The following FZD10 variants were observed in gnomAD, a reference collection of about 807,000 sequenced individuals.
FZD10 encodes frizzled-10.
In FZD10, 14 loss-of-function variants were observed where a neutral mutation model predicts 24.4. That is an observed-to-expected ratio of 0.57 (90% confidence interval 0.38 to 0.90). The LOEUF (loss-of-function observed/expected upper bound fraction) is 0.90. Ranked by LOEUF, FZD10 falls within the 40% of genes least tolerant of loss-of-function variation. The pLI is 0.00. For synonymous variants in FZD10, 381 were observed against 349.1 expected (o/e 1.09, Z -1.02); for missense variants, 775 against 816.6 (o/e 0.95, Z 0.62).
Position 130,165,059 on chromosome 12 carries a change from T to C in FZD10, c.*371T>C, listed in dbSNP as rs572971985. 3.9e-5 allele frequency: 7 copies of C among 181,142 alleles called. No homozygotes were observed. The East Asian group carries it at 7.0e-4, about 18-fold the overall frequency. The allele number at this position is 181,142 out of a possible 1,614,324, so 11.2% of individuals were successfully genotyped here. Reference sequence around the variant, plus strand: ...ACCCATTTACAAATAAGAGGACAGATAACTGCTTTGCAAATTCAAGAGCCT... The same window carrying C: ...ACCCATTTACAAATAAGAGGACAGACAACTGCTTTGCAAATTCAAGAGCCT... On this transcript the variant is annotated 3_prime_UTR_variant, in exon 1 of 1. Coordinates refer to ENST00000229030, the MANE Select transcript of FZD10 (RefSeq NM_007197.4).
Position 130,163,216 on chromosome 12 carries a change from G to T in FZD10, c.274G>T (p.Ala92Ser), listed in dbSNP as rs199663032. The T allele has an allele frequency of 2.9e-5, 47 of 1,612,988 alleles. No homozygotes were observed. The East Asian group carries it at 1.0e-3, about 35-fold the overall frequency. ...CCGCTTCTTCCTGTGCTCGCTGTAC[G>T]CGCCGATGTGCACCGAGCAGGTCTC... ...HLRFFLCSLY[A>S]PMCTEQVSTP... Residue 92 changes from alanine to serine, a missense_variant, in exon 1 of 1, where the codon GCG becomes TCG. Ala to Ser is a moderately conservative substitution (Grantham distance 99). Transcript: ENST00000229030.
At position 130,164,585 on chromosome 12, in the gene FZD10, C is replaced by A. The variant is rs78312482; in HGVS notation, c.1643C>A (p.Ala548Asp). The A allele has an allele frequency of 6.2e-7, 1 of 1,612,878 alleles. No homozygotes were observed. The highest frequency in any genetic ancestry group is 8.5e-7 in the Non-Finnish European group (1 of 1,179,972). ...AAGAAGAAGAGCCGGAGAAAACCGG[C>A]CAGCGTGATCACCAGCGGTGGGATT... ...RLKKKSRRKP[A>D]SVITSGGIYK... The change falls in exon 1 of 1, where the codon GCC becomes GAC. Residue 548 changes from alanine (A) to aspartate (D), a missense_variant. Coordinates refer to ENST00000229030, the MANE Select transcript of FZD10 (RefSeq NM_007197.4). This position sits in a 1 kb window ranked among gnomAD's most constrained non-coding sequence, Gnocchi z 5.3.
rs1470365379 is a variant in FZD10, at chr12:130,163,549, A to G, written c.607A>G (p.Lys203Glu). Residue 203 changes from lysine (K) to glutamate (E), a missense_variant, in exon 1 of 1, where the codon AAG becomes GAG. Physicochemically the swap from Lys to Glu is moderately conservative, Grantham distance 56. Coordinates refer to ENST00000229030, the MANE Select transcript of FZD10 (RefSeq NM_007197.4). ...DNPGKFHHVE[K>E]SASCAPLCTP... The stretch of plus-strand genomic sequence containing the variant: ...CCCGGGCAAGTTCCACCACGTGGAG[A>G]AGAGCGCGTCGTGCGCGCCGCTCTG... 6.3e-7 allele frequency: 1 copy of G among 1,598,682 alleles called. No homozygotes were observed. The highest frequency in any genetic ancestry group is 8.5e-7 in the Non-Finnish European group (1 of 1,171,982).
In FZD10 at chr12:130,162,964, C is replaced by T. The variant is rs778810681; in HGVS notation, c.22C>T (p.Leu8=). The T allele has an allele frequency of 7.8e-6, 12 of 1,547,304 alleles. No individual in the cohort carries two copies. Among genetic ancestry groups the T allele is most frequent in the Non-Finnish European group, 9.6e-6 (11 of 1,143,806 alleles). Residue 8 remains leucine (L), a synonymous_variant, in exon 1 of 1, where the codon CTG becomes TTG. Transcript: ENST00000229030. MQRPGPR[L]WLVLQVMGSC... The stretch of plus-strand genomic sequence containing the variant: ...CAGCATGCAGCGCCCGGGCCCCCGC[C>T]TGTGGCTGGTCCTGCAGGTGATGGG...
At position 130,162,990 on chromosome 12, in the gene FZD10, C is replaced by G; in HGVS notation, c.48C>G (p.Gly16=). ...PRLWLVLQVM[G]SCAAISSMDM... is the part of the protein sequence containing the mutation. ...TGTGGCTGGTCCTGCAGGTGATGGG[C>G]TCGTGCGCCGCCATCAGCTCCATGG... The change falls in exon 1 of 1, where the codon GGC becomes GGG. Residue 16 remains glycine (G), a synonymous_variant. Transcript: ENST00000229030. 3 of 1,572,516 alleles carry G rather than the reference C, an allele frequency of 1.9e-6. No homozygotes were observed. The highest frequency in any genetic ancestry group is 2.6e-6 in the Non-Finnish European group (3 of 1,160,340).
At position 130,164,752 on chromosome 12, in the gene FZD10, G is replaced by T; in HGVS notation, c.*64G>T. 6 of 1,116,840 alleles carry T rather than the reference G, an allele frequency of 5.4e-6. No homozygotes were observed. Among genetic ancestry groups the T allele is most frequent in the Non-Finnish European group, 7.4e-6 (6 of 805,780 alleles). 69.2% of individuals were successfully genotyped at this position (1,116,840 alleles called of 1,614,324 possible). On this transcript the variant is annotated 3_prime_UTR_variant, in exon 1 of 1. Transcript: ENST00000229030. This position sits in a 1 kb window ranked among gnomAD's most constrained non-coding sequence, Gnocchi z 5.3. Reference sequence around the variant, plus strand: ...AAGATGTGGTGCTTTTCTTGGTTGTGTTTTTCTTTCTTCTTCTTCTTTTTT... The same window carrying T: ...AAGATGTGGTGCTTTTCTTGGTTGTTTTTTTCTTTCTTCTTCTTCTTTTTT...
chr12:130,164,584 G>A lies in FZD10; in HGVS notation c.1642G>A (p.Ala548Thr), dbSNP rs1039873680. 16 of 1,612,916 alleles carry A rather than the reference G, an allele frequency of 9.9e-6. No individual in the cohort carries two copies. Among genetic ancestry groups the A allele is most frequent in the Non-Finnish European group, 1.4e-5 (16 of 1,179,978 alleles). Reference protein sequence around the residue: ...RLKKKSRRKPASVITSGGIYK... With the variant: ...RLKKKSRRKPTSVITSGGIYK... ...AAAGAAGAAGAGCCGGAGAAAACCG[G>A]CCAGCGTGATCACCAGCGGTGGGAT... The change falls in exon 1 of 1, where the codon GCC (alanine) becomes ACC (threonine). Residue 548 changes from alanine to threonine, a missense_variant. Physicochemically the swap from Ala to Thr is moderately conservative, Grantham distance 58. Transcript: ENST00000229030. The surrounding 1 kb of genome is among the most constrained non-coding windows in gnomAD (Gnocchi z 5.3).
chr12:130,163,025 G>T lies in FZD10; in HGVS notation c.83G>T (p.Arg28Leu). Residue 28 changes from arginine (R) to leucine (L), a missense_variant, in exon 1 of 1, where the codon CGC becomes CTC. Arg to Leu is a moderately radical substitution (Grantham distance 102). Transcript: ENST00000229030. ...CAAISSMDME[R>L]PGDGKCQPIE... ...GCCATCAGCTCCATGGACATGGAGC[G>T]CCCGGGCGACGGCAAATGCCAGCCC... is the stretch of plus-strand genomic sequence containing the variant. 2 of 1,610,292 alleles carry T rather than the reference G, an allele frequency of 1.2e-6. No individual in the cohort carries two copies. The highest frequency in any genetic ancestry group is 1.7e-6 in the Non-Finnish European group (2 of 1,178,904).
In FZD10 at chr12:130,164,373, G is replaced by T; in HGVS notation, c.1431G>T (p.Ala477=). 1 of 1,614,062 alleles carries T rather than the reference G, an allele frequency of 6.2e-7. No homozygotes were observed. The highest frequency in any genetic ancestry group is 8.5e-7 in the Non-Finnish European group (1 of 1,180,028). The change falls in exon 1 of 1, where the codon GCG becomes GCT. Residue 477 remains alanine, a synonymous_variant. Transcript: ENST00000229030. This position sits in a 1 kb window ranked among gnomAD's most constrained non-coding sequence, Gnocchi z 5.3. The part of the protein sequence containing the change: ...LNMDYWKILA[A]QHKCKMNNQT... The stretch of plus-strand genomic sequence containing the variant: ...TGGATTACTGGAAGATCCTGGCGGC[G>T]CAGCACAAGTGCAAAATGAACAACC...
chr12:130,163,288 A>C lies in FZD10; in HGVS notation c.346A>C (p.Lys116Gln). ...CRVMCEQARLKCSPIMEQFNF... is the reference protein window; with the variant it reads ...CRVMCEQARLQCSPIMEQFNF... Reference sequence around the variant, plus strand: ...GGTCATGTGCGAGCAGGCCCGGCTCAAGTGCTCCCCGATTATGGAGCAGTT... The same window carrying C: ...GGTCATGTGCGAGCAGGCCCGGCTCCAGTGCTCCCCGATTATGGAGCAGTT... The change falls in exon 1 of 1, where the codon AAG (lysine) becomes CAG (glutamine). Residue 116 changes from lysine to glutamine, a missense_variant. Transcript: ENST00000229030. The C allele has an allele frequency of 6.2e-7, 1 of 1,613,052 alleles. No homozygotes were observed. The highest frequency in any genetic ancestry group is 2.2e-5 in the East Asian group (1 of 44,824).
At position 130,163,079 on chromosome 12, in the gene FZD10, G is replaced by T. The variant is rs1450585234; in HGVS notation, c.137G>T (p.Gly46Val). 4 of 1,612,804 alleles carry T rather than the reference G, an allele frequency of 2.5e-6. No individual in the cohort carries two copies. Residue 46 changes from glycine to valine, a missense_variant, in exon 1 of 1, where the codon GGC becomes GTC. Physicochemically the swap from Gly to Val is moderately radical, Grantham distance 109 (BLOSUM62 -3). Coordinates refer to ENST00000229030, the MANE Select transcript of FZD10 (RefSeq NM_007197.4). Reference protein sequence around the residue: ...PIEIPMCKDIGYNMTRMPNLM... With the variant: ...PIEIPMCKDIVYNMTRMPNLM... The stretch of plus-strand genomic sequence containing the variant: ...GAGATCCCGATGTGCAAGGACATCG[G>T]CTACAACATGACTCGTATGCCCAAC...
In FZD10 at chr12:130,162,579, G is replaced by C. The variant is rs952301733; in HGVS notation, c.-364G>C. The C allele has an allele frequency of 1.3e-5, 2 of 155,838 alleles. No individual in the cohort carries two copies. Among genetic ancestry groups the C allele is most frequent in the African/African-American group, 4.8e-5 (2 of 41,484 alleles). The allele number at this position is 155,838 out of a possible 1,614,324, so 9.7% of individuals were successfully genotyped here. On this transcript the variant is annotated 5_prime_UTR_variant, in exon 1 of 1. Coordinates refer to ENST00000229030, the MANE Select transcript of FZD10 (RefSeq NM_007197.4). ...GGGCGCCGCGAGCTGGGCCGGCCTC[G>C]GTGTGCCCGCGCCGCCAGCCCGCTC...
Position 130,164,881 on chromosome 12 carries a change from T to G in FZD10, c.*193T>G. 3.9e-6 allele frequency: 2 copies of G among 507,082 alleles called. No individual in the cohort carries two copies. The highest frequency in any genetic ancestry group is 7.0e-6 in the Non-Finnish European group (2 of 284,918). 31.4% of individuals were successfully genotyped at this position (507,082 alleles called of 1,614,324 possible). A position where few individuals can be genotyped will look rare whatever the true frequency, so the allele number is the denominator to read the frequency against. On this transcript the variant is annotated 3_prime_UTR_variant, in exon 1 of 1. Transcript: ENST00000229030. This position sits in a 1 kb window ranked among gnomAD's most constrained non-coding sequence, Gnocchi z 5.3. Reference sequence around the variant, plus strand: ...AAAAATGTACTTAAAGGGTTTTGTTTTGTTTTGGTTTTCCAGCGAAGGGAA... The same window carrying G: ...AAAAATGTACTTAAAGGGTTTTGTTGTGTTTTGGTTTTCCAGCGAAGGGAA...
At position 130,164,534 on chromosome 12, in the gene FZD10, G is replaced by A; in HGVS notation, c.1592G>A (p.Trp531Ter). The A allele has an allele frequency of 6.2e-7, 1 of 1,613,238 alleles. No homozygotes were observed. ...TGGACCTCCAAGACTCTGCAGTCCT[G>A]GCAGCAGGTGTGCAGCCGTAGGTTA... The part of the protein sequence containing the change: ...WIWTSKTLQS[W>*]QQVCSRRLKK... The change falls in exon 1 of 1, where the codon TGG becomes TAG. Residue 531 changes from tryptophan to a stop codon, truncating the protein, a stop_gained. Coordinates refer to ENST00000229030, the MANE Select transcript of FZD10 (RefSeq NM_007197.4). LOFTEE classifies it low-confidence loss of function (END_TRUNC). The surrounding 1 kb of genome is among the most constrained non-coding windows in gnomAD (Gnocchi z 5.3).
At position 130,164,771 on chromosome 12, in the gene FZD10, CT is replaced by C. The variant is rs11326930; in HGVS notation, c.*96del. ...GGTTGTGTTTTTCTTTCTTCTTCTT[CT>C]TTTTTTTTTTTTATAAAAGCAAAAG... On this transcript the variant is annotated 3_prime_UTR_variant, in exon 1 of 1. Coordinates refer to ENST00000229030, the MANE Select transcript of FZD10 (RefSeq NM_007197.4). The surrounding 1 kb of genome is among the most constrained non-coding windows in gnomAD (Gnocchi z 5.3). 0.37 allele frequency: 260,178 copies of C among 703,456 alleles called. 13,350 individuals carry two copies. The highest frequency in any genetic ancestry group is 0.53 in the East Asian group (16,853 of 31,670). 43.6% of individuals were successfully genotyped at this position (703,456 alleles called of 1,614,324 possible).
At position 130,164,759 on chromosome 12, in the gene FZD10, TTTCTTC is replaced by T. The variant is rs1321877159; in HGVS notation, c.*80_*85del. Reference sequence around the variant, plus strand: ...GGTGCTTTTCTTGGTTGTGTTTTTCTTTCTTCTTCTTCTTTTTTTTTTTTTATAAAA... The same window carrying T: ...GGTGCTTTTCTTGGTTGTGTTTTTCTTTCTTCTTTTTTTTTTTTTATAAAA... On this transcript the variant is annotated 3_prime_UTR_variant, in exon 1 of 1. Transcript: ENST00000229030. This position sits in a 1 kb window ranked among gnomAD's most constrained non-coding sequence, Gnocchi z 5.3. The T allele has an allele frequency of 9.2e-7, 1 of 1,081,278 alleles. No individual in the cohort carries two copies. The allele number at this position is 1,081,278 out of a possible 1,614,324, so 67.0% of individuals were successfully genotyped here.
chr12:130,162,950 G>A lies in FZD10; in HGVS notation c.8G>A (p.Arg3His), dbSNP rs1409779644. 1 of 1,528,358 alleles carries A rather than the reference G, an allele frequency of 6.5e-7. No homozygotes were observed. Among genetic ancestry groups the A allele is most frequent in the South Asian group, 1.2e-5 (1 of 81,876 alleles). 94.7% of individuals were successfully genotyped at this position (1,528,358 alleles called of 1,614,324 possible). Reference sequence around the variant, plus strand: ...GACACGTCCAACGCCAGCATGCAGCGCCCGGGCCCCCGCCTGTGGCTGGTC... The same window carrying A: ...GACACGTCCAACGCCAGCATGCAGCACCCGGGCCCCCGCCTGTGGCTGGTC... MQ[R>H]PGPRLWLVLQ... The change falls in exon 1 of 1, where the codon CGC becomes CAC. Residue 3 changes from arginine (R) to histidine (H), a missense_variant. By Grantham distance (29) the Arg-to-His change is conservative. Transcript: ENST00000229030.
In FZD10 at chr12:130,163,744, A is replaced by C; in HGVS notation, c.802A>C (p.Met268Leu). Residue 268 changes from methionine (M) to leucine (L), a missense_variant, in exon 1 of 1, where the codon ATG becomes CTG. Coordinates refer to ENST00000229030, the MANE Select transcript of FZD10 (RefSeq NM_007197.4). ...YPERPIIFLSMCYCVYSVGYL... is the reference protein window; with the variant it reads ...YPERPIIFLSLCYCVYSVGYL... ...CGAGCGCCCCATCATCTTCCTCTCCATGTGCTACTGCGTCTACTCCGTGGG... is the reference window on the plus strand; with the variant it reads ...CGAGCGCCCCATCATCTTCCTCTCCCTGTGCTACTGCGTCTACTCCGTGGG... 1 of 1,613,714 alleles carries C rather than the reference A, an allele frequency of 6.2e-7. No homozygotes were observed. Among genetic ancestry groups the C allele is most frequent in the Non-Finnish European group, 8.5e-7 (1 of 1,179,962 alleles).
At position 130,162,961 on chromosome 12, in the gene FZD10, C is replaced by A; in HGVS notation, c.19C>A (p.Arg7Ser). 6.5e-7 allele frequency: 1 copy of A among 1,545,470 alleles called. No homozygotes were observed. Among genetic ancestry groups the A allele is most frequent in the Non-Finnish European group, 8.8e-7 (1 of 1,142,426 alleles). Reference sequence around the variant, plus strand: ...CGCCAGCATGCAGCGCCCGGGCCCCCGCCTGTGGCTGGTCCTGCAGGTGAT... The same window carrying A: ...CGCCAGCATGCAGCGCCCGGGCCCCAGCCTGTGGCTGGTCCTGCAGGTGAT... The part of the protein sequence containing the change: MQRPGP[R>S]LWLVLQVMGS... Residue 7 changes from arginine to serine, a missense_variant, in exon 1 of 1, where the codon CGC (arginine) becomes AGC (serine). Physicochemically the swap from Arg to Ser is moderately radical, Grantham distance 110. Transcript: ENST00000229030.
Sources: gnomAD v4.1 joint callset for allele counts on GRCh38, gnomAD v4.1.1 for gene constraint, Gnocchi (gnomAD v3.1) non-coding constraint, MANE v1.5 for transcripts, NCBI Gene and HGNC (gene_info 2026-07-23, HGNC 2026-07-21) for gene names.